DCDC2: variants seen among roughly 807,000 people sequenced by gnomAD.
DCDC2 encodes the protein doublecortin domain-containing protein 2.
Under a neutral mutation model 50.2 loss-of-function variants are expected in DCDC2, and 40 were observed. The ratio of observed to expected loss-of-function variants is 0.80; its 90% confidence interval spans 0.62 to 1.04. The LOEUF (loss-of-function observed/expected upper bound fraction) is 1.04. Among genes scored for constraint, DCDC2 ranks in the 50% least tolerant of loss-of-function variants. DCDC2 has a pLI of 0.00. For synonymous variants in DCDC2, 234 were observed against 210.6 expected (o/e 1.11, Z -0.96); for missense variants, 570 against 581.9 (o/e 0.98, Z 0.21).
At chr6:24,324,834 G>T (rs566798781) in intron 2 of DCDC2, among the ~76,000 whole-genome samples, 1 of 151,474 alleles carries the variant, frequency 6.6e-6, no homozygotes, top group Non-Finnish European at 1.5e-5. Flanking sequence ...AGTAAGCTAT[G>T]ATTGTGCCAC....
chr6:24,266,012 C>T (rs955421736), intron 7 of DCDC2, among the ~76,000 whole-genome samples: 18 of 151,718 alleles, frequency 1.2e-4, no homozygotes, highest in African/African-American at 4.4e-4. Flanking sequence ...ACCAATGCAA[C>T]AGAACAGAGA....
At chr6:24,285,154 CAGTG>C (rs1219743976) in intron 6 of DCDC2, among the ~76,000 whole-genome samples, 2 of 152,046 alleles carry the variant, frequency 1.3e-5, no homozygotes, top group South Asian at 2.1e-4. Flanking sequence ...AGTAGGAGCT[CAGTG>C]AGTATGTTTG....
At chr6:24,353,399 C>A in intron 2 of DCDC2, 170 bp downstream of exon 2, 1 of 651,248 alleles carries the variant, frequency 1.5e-6, no homozygotes. Flanking sequence ...CTTTTCATTT[C>A]TGACAATGAT....
chr6:24,369,559 G>A, the DCDC2 span, among the ~76,000 whole-genome samples: 956 of 151,826 alleles, frequency 6.3e-3, 4 homozygotes, highest in African/African-American at 0.021. Flanking sequence ...GCAGTGAGCC[G>A]AGATCGCGCC....
intron 7 of DCDC2, among the ~76,000 whole-genome samples, chr6:24,267,701 A>G (rs1763154629): frequency 6.6e-6 from 1 of 152,180 alleles, no homozygotes; most frequent in African/African-American, 2.4e-5. Flanking sequence ...AGTAAGGGAA[A>G]ATGCAAGATA....
At chr6:24,308,677 T>C (rs1384047826) in intron 2 of DCDC2, among the ~76,000 whole-genome samples, 1 of 152,014 alleles carries the variant, frequency 6.6e-6, no homozygotes, top group Non-Finnish European at 1.5e-5. Flanking sequence ...CGTTAAAAAA[T>C]TCAGTAGAAA....
At chr6:24,364,000 C>T in the DCDC2 span, among the ~76,000 whole-genome samples, 4 of 152,182 alleles carry the variant, frequency 2.6e-5, no homozygotes, top group African/African-American at 4.8e-5. Flanking sequence ...TCTCTTCTCA[C>T]GCAAATCTTC....
At chr6:24,235,395 T>C (rs751913082) in intron 7 of DCDC2, among the ~76,000 whole-genome samples, 6 of 152,238 alleles carry the variant, frequency 3.9e-5, no homozygotes, top group Non-Finnish European at 7.3e-5. Context: ...GTAAAAGTTC[T>C]CAGCAAAATA....
intron 9 of DCDC2, among the ~76,000 whole-genome samples, chr6:24,176,486 T>C (rs928487935): frequency 6.6e-6 from 1 of 151,778 alleles, no homozygotes; most frequent in African/African-American, 2.4e-5. Flanking sequence ...TAAAAAAATA[T>C]TCATTTGTCA....
intron 2 of DCDC2, among the ~76,000 whole-genome samples, chr6:24,329,926 T>C (rs1759937177): frequency 6.6e-6 from 1 of 152,176 alleles, no homozygotes; most frequent in Non-Finnish European, 1.5e-5. Flanking sequence ...AAAAACACAT[T>C]TATTTAAGAA....
At chr6:24,210,050 G>C (rs868364329) in intron 7 of DCDC2, among the ~76,000 whole-genome samples, 2 of 128,074 alleles carry the variant, frequency 1.6e-5, no homozygotes, top group Admixed American at 8.0e-5. Flanking sequence ...GTGTGTGTGT[G>C]TGTGTCTGTC....
chr6:24,268,618 T>G (rs532076340), intron 7 of DCDC2, among the ~76,000 whole-genome samples: 1 of 152,206 alleles, frequency 6.6e-6, no homozygotes, highest in East Asian at 1.9e-4. Context: ...GTCGCCCAGG[T>G]TGGAATACAG....
intron 4 of DCDC2, among the ~76,000 whole-genome samples, chr6:24,298,584 A>G (rs1190484383): frequency 6.6e-6 from 1 of 152,252 alleles, no homozygotes; most frequent in Non-Finnish European, 1.5e-5. Context: ...GAATAGAAAC[A>G]CTACCTACCT....
At chr6:24,332,983 A>G (rs973653004) in intron 2 of DCDC2, among the ~76,000 whole-genome samples, 1 of 152,210 alleles carries the variant, frequency 6.6e-6, no homozygotes, top group African/African-American at 2.4e-5. Context: ...CAAAGGAGAA[A>G]GGCCTGATGT....
intron 7 of DCDC2, among the ~76,000 whole-genome samples, chr6:24,270,946 G>A (rs904576652): frequency 1.3e-5 from 2 of 152,132 alleles, no homozygotes; most frequent in African/African-American, 4.8e-5. Context: ...ACCTGGCAGG[G>A]CACAGTGGCT....
intron 2 of DCDC2, among the ~76,000 whole-genome samples, chr6:24,326,166 A>AAAGGAAGGAAGGAAGG (rs143866897): frequency 2.1e-4 from 27 of 127,244 alleles, no homozygotes; most frequent in South Asian, 6.0e-4. Context: ...GAGAGGAAGG[A>AAAGGAAGGAAGGAAGG]AAGGAAGGAA....
chr6:24,238,049 C>A, intron 7 of DCDC2, among the ~76,000 whole-genome samples: 1 of 122,748 alleles, frequency 8.1e-6, no homozygotes, highest in African/African-American at 3.1e-5. Flanking sequence ...AATAAACCTG[C>A]ACATGTGCAC....
chr6:24,319,978 C>T (rs572435737), intron 2 of DCDC2, among the ~76,000 whole-genome samples: 1 of 152,174 alleles, frequency 6.6e-6, no homozygotes, highest in South Asian at 2.1e-4. Context: ...AACTGTGTTA[C>T]AAATCAATAA....
chr6:24,302,566 C>G (rs532937397), intron 2 of DCDC2, among the ~76,000 whole-genome samples: 32 of 152,222 alleles, frequency 2.1e-4, no homozygotes, highest in African/African-American at 7.7e-4. Flanking sequence ...TCTCCCCTAT[C>G]CCCCATTGAA....
Sources: allele counts gnomAD v4.1 joint callset (sites outside exome capture counted in the v4.1 genomes callset), GRCh38; gene constraint gnomAD v4.1.1; transcripts MANE v1.5; gene names NCBI Gene and HGNC (gene_info 2026-07-23, HGNC 2026-07-21).